The following DAB1 variants were observed in gnomAD, a reference collection of about 807,000 sequenced individuals.
DAB1 encodes DAB adaptor protein 1.
In DAB1, 15 loss-of-function variants were observed where a neutral mutation model predicts 64.6. The observed-to-expected ratio is 0.23, with a 90% CI of 0.16 to 0.36. DAB1 has a LOEUF of 0.36. DAB1 is among the 10% of genes least tolerant of loss of function. DAB1 has a pLI of 1.00. For missense variants in DAB1, 596 were observed against 706.7 expected (o/e 0.84, Z 1.78); for synonymous variants, 235 against 251.9 (o/e 0.93, Z 0.64).
chr1:57,954,775 T>A (rs184473741), intron 5 of DAB1, among the ~76,000 whole-genome samples: 37 of 152,346 alleles, frequency 2.4e-4, no homozygotes, highest in African/African-American at 8.2e-4. Flanking sequence ...TAGCTCTGTA[T>A]GATAAAATAG....
At chr1:57,866,936 A>C (rs1003030579) in intron 1 of DAB1, 3 of 152,154 alleles carry the variant, frequency 2.0e-5, no homozygotes, top group African/African-American at 7.2e-5. Context: ...AGGTCATGAA[A>C]TAGCACTGGA....
At chr1:57,960,417 C>T (rs1645489727) in intron 5 of DAB1, among the ~76,000 whole-genome samples, 2 of 150,394 alleles carry the variant, frequency 1.3e-5, no homozygotes, top group South Asian at 4.2e-4. Flanking sequence ...GTACATTATA[C>T]AAACTCAATA....
intron 5 of DAB1, among the ~76,000 whole-genome samples, chr1:57,896,436 C>T (rs1644393143): frequency 6.6e-6 from 1 of 151,644 alleles, no homozygotes; most frequent in Non-Finnish European, 1.5e-5. Context: ...AATGTGAAGG[C>T]ATGATTGTAG....
At chr1:57,189,188 G>A (rs1569825548) in intron 2 of DAB1, among the ~76,000 whole-genome samples, 2 of 152,148 alleles carry the variant, frequency 1.3e-5, no homozygotes, top group Admixed American at 1.3e-4. Flanking sequence ...TAACTTAACG[G>A]CTGATGTTAC....
intron 5 of DAB1, among the ~76,000 whole-genome samples, chr1:58,126,398 A>C (rs557772046): frequency 6.6e-6 from 1 of 152,166 alleles, no homozygotes; most frequent in South Asian, 2.1e-4. Flanking sequence ...CTGAGAAAGA[A>C]ACACATAGCA....
chr1:58,068,548 G>A (rs1422584957), intron 5 of DAB1, among the ~76,000 whole-genome samples: 10 of 151,944 alleles, frequency 6.6e-5, no homozygotes, highest in Non-Finnish European at 5.9e-5. Flanking sequence ...GGCGGATCAC[G>A]AGGTCAGGAG....
intron 6 of DAB1, among the ~76,000 whole-genome samples, chr1:57,754,299 A>G (rs529794220): frequency 6.6e-6 from 1 of 152,342 alleles, no homozygotes; most frequent in East Asian, 1.9e-4. Flanking sequence ...AGCTATTTCT[A>G]ATTTGAATAA....
At chr1:57,182,499 T>C (rs1161783322) in intron 2 of DAB1, among the ~76,000 whole-genome samples, 1 of 152,166 alleles carries the variant, frequency 6.6e-6, no homozygotes, top group Non-Finnish European at 1.5e-5. Flanking sequence ...GGCCCCTTAC[T>C]GTTTACATAC....
chr1:57,282,287 G>A (rs557364016), intron 2 of DAB1, among the ~76,000 whole-genome samples: 1 of 151,330 alleles, frequency 6.6e-6, no homozygotes, highest in East Asian at 2.0e-4. Flanking sequence ...TATCCAAGGT[G>A]AAATCGCAGT....
intron 1 of DAB1, among the ~76,000 whole-genome samples, chr1:57,853,118 C>A (rs1653606645): frequency 6.6e-6 from 1 of 152,026 alleles, no homozygotes; most frequent in African/African-American, 2.4e-5. Context: ...CAATCTGTTT[C>A]TTCCCACCCA....
chr1:58,451,899 A>G (rs1445254813), intron 3 of DAB1, among the ~76,000 whole-genome samples: 1 of 151,602 alleles, frequency 6.6e-6, no homozygotes, highest in Non-Finnish European at 1.5e-5. Context: ...TAAGAAGCAA[A>G]GCATCCACTT....
chr1:57,400,082 TC>T (rs1330347100), intron 1 of DAB1, among the ~76,000 whole-genome samples: 2 of 152,192 alleles, frequency 1.3e-5, no homozygotes, highest in African/African-American at 4.8e-5. Context: ...GGAATTATCA[TC>T]TAAATGTCTT....
chr1:57,301,286 A>G (rs1382663239), intron 1 of DAB1, among the ~76,000 whole-genome samples: 2 of 152,190 alleles, frequency 1.3e-5, no homozygotes. Flanking sequence ...CTCCCAGGGC[A>G]GAGTCTGACC....
chr1:57,756,656 C>A (rs979433426), intron 6 of DAB1, among the ~76,000 whole-genome samples: 2 of 151,340 alleles, frequency 1.3e-5, no homozygotes, highest in East Asian at 2.0e-4. Flanking sequence ...TATGAGGCCA[C>A]TTCCGTACTG....
At chr1:57,661,373 A>G (rs1187236490) in intron 6 of DAB1, among the ~76,000 whole-genome samples, 3 of 152,236 alleles carry the variant, frequency 2.0e-5, no homozygotes, top group African/African-American at 7.2e-5. Context: ...CCTTAACTAT[A>G]AAATGGGGAT....
At chr1:58,023,368 G>C (rs1382354705) in intron 5 of DAB1, among the ~76,000 whole-genome samples, 1 of 152,050 alleles carries the variant, frequency 6.6e-6, no homozygotes, top group Non-Finnish European at 1.5e-5. Context: ...ACCAGATCAG[G>C]GACTCTGTGT....
intron 5 of DAB1, among the ~76,000 whole-genome samples, chr1:57,956,018 T>G (rs911050234): frequency 2.0e-5 from 3 of 152,184 alleles, no homozygotes; most frequent in Admixed American, 6.5e-5. Context: ...GAAACTCACC[T>G]TCCTAGTGAG....
intron 1 of DAB1, among the ~76,000 whole-genome samples, chr1:58,529,672 C>T (rs550441345): frequency 1.2e-4 from 19 of 152,170 alleles, no homozygotes; most frequent in Non-Finnish European, 2.2e-4. Context: ...AGTTGGCTCT[C>T]TATATCTGTG....
intron 4 of DAB1, among the ~76,000 whole-genome samples, chr1:57,130,752 T>C (rs1022306130): frequency 6.6e-5 from 10 of 152,046 alleles, no homozygotes; most frequent in South Asian, 6.2e-4. Flanking sequence ...GGTGGGGAGA[T>C]TGGAGAGATG....
Sources: allele counts gnomAD v4.1 joint callset (sites outside exome capture counted in the v4.1 genomes callset), GRCh38; gene constraint gnomAD v4.1.1; transcripts MANE v1.5; gene names NCBI Gene and HGNC (gene_info 2026-07-23, HGNC 2026-07-21).